Variants in LRP1B observed in about 807,000 individuals in gnomAD.
LRP1B encodes the protein LDL receptor related protein 1B.
LRP1B carries 217 observed loss-of-function variants against 556.6 expected under a neutral mutation model. The observed-to-expected ratio is 0.39, with a 90% CI of 0.35 to 0.44. The LOEUF (loss-of-function observed/expected upper bound fraction) is 0.44, where lower values mean the gene tolerates loss of function less well. Ranked by LOEUF, LRP1B falls within the 20% of genes least tolerant of loss-of-function variation. LRP1B has a pLI of 1.00. For missense variants in LRP1B, 5,053 were observed against 5,620.8 expected (o/e 0.90, Z 3.23); for synonymous variants, 2,047 against 1,865.8 (o/e 1.10, Z -2.50).
At chr2:140,388,710 A>G (rs1338247843) in intron 66 of LRP1B, among the ~76,000 whole-genome samples, 3 of 152,228 alleles carry the variant, frequency 2.0e-5, no homozygotes, top group Non-Finnish European at 4.4e-5. Context: ...ACCTCCCTTG[A>G]GGTGCACACA....
At chr2:140,572,232 A>G (rs1274439248) in intron 43 of LRP1B, among the ~76,000 whole-genome samples, 1 of 151,826 alleles carries the variant, frequency 6.6e-6, no homozygotes, top group Non-Finnish European at 1.5e-5. Context: ...AAATATTTGT[A>G]AACTATTTAT....
At chr2:140,517,308 A>G (rs1689948164) in intron 49 of LRP1B, among the ~76,000 whole-genome samples, 1 of 152,304 alleles carries the variant, frequency 6.6e-6, no homozygotes, top group South Asian at 2.1e-4. Flanking sequence ...CTTAGTTAAT[A>G]AACATAAAAT....
At chr2:140,490,804 CTCAA>C (rs1183455868) in intron 57 of LRP1B, among the ~76,000 whole-genome samples, 1 of 152,066 alleles carries the variant, frequency 6.6e-6, no homozygotes. Flanking sequence ...TATTTCCTTA[CTCAA>C]TGGGCACCAT....
At chr2:141,754,103 C>A (rs1440884361) in intron 2 of LRP1B, among the ~76,000 whole-genome samples, 4 of 152,158 alleles carry the variant, frequency 2.6e-5, no homozygotes, top group Non-Finnish European at 4.4e-5. Context: ...CAGAATTCTT[C>A]TGCTTCTCAT....
chr2:141,696,685 C>A (rs1343616555), intron 2 of LRP1B, among the ~76,000 whole-genome samples: 1 of 151,866 alleles, frequency 6.6e-6, no homozygotes, highest in Non-Finnish European at 1.5e-5. Flanking sequence ...CACATAATTT[C>A]TCAGCAGACA....
At chr2:140,631,474 T>C (rs1161403328) in intron 41 of LRP1B, among the ~76,000 whole-genome samples, 1 of 151,930 alleles carries the variant, frequency 6.6e-6, no homozygotes, top group African/African-American at 2.4e-5. Context: ...ACTATACGAG[T>C]TAAAAGTAAG....
At chr2:141,994,685 C>T (rs576126608) in intron 1 of LRP1B, among the ~76,000 whole-genome samples, 5 of 152,236 alleles carry the variant, frequency 3.3e-5, no homozygotes, top group African/African-American at 9.6e-5. Context: ...AACCTTGGCA[C>T]TTGTCTCTGT....
intron 66 of LRP1B, among the ~76,000 whole-genome samples, chr2:140,390,192 TGAAAAA>T (rs1172940607): frequency 6.6e-6 from 1 of 151,952 alleles, no homozygotes; most frequent in African/African-American, 2.4e-5. Context: ...AAACATTTCT[TGAAAAA>T]GAAAAATTAA....
intron 14 of LRP1B, among the ~76,000 whole-genome samples, chr2:141,007,129 C>A (rs975664737): frequency 3.3e-5 from 5 of 151,594 alleles, no homozygotes; most frequent in African/African-American, 1.2e-4. Context: ...TAGAGCCATA[C>A]GATAAGAGAA....
At chr2:140,321,280 T>A (rs1356848315) in intron 82 of LRP1B, among the ~76,000 whole-genome samples, 1 of 152,030 alleles carries the variant, frequency 6.6e-6, no homozygotes, top group Non-Finnish European at 1.5e-5. Flanking sequence ...TCTGAAGTAA[T>A]GTTTCAATTT....
At chr2:140,553,287 T>C (rs956125367) in intron 43 of LRP1B, among the ~76,000 whole-genome samples, 2 of 152,004 alleles carry the variant, frequency 1.3e-5, no homozygotes, top group Admixed American at 1.3e-4. Flanking sequence ...TAGATTATTA[T>C]ATTTAACTTA....
At chr2:141,929,677 T>G (rs770394530) in intron 1 of LRP1B, among the ~76,000 whole-genome samples, 1 of 151,992 alleles carries the variant, frequency 6.6e-6, no homozygotes, top group Non-Finnish European at 1.5e-5. Flanking sequence ...AACTAAAAAT[T>G]CCTAAATCTC....
chr2:140,812,314 A>G (rs545068249), intron 32 of LRP1B, among the ~76,000 whole-genome samples: 1 of 152,264 alleles, frequency 6.6e-6, no homozygotes, highest in South Asian at 2.1e-4. Flanking sequence ...TTTAATGTCT[A>G]TATTTCCCTA....
intron 1 of LRP1B, among the ~76,000 whole-genome samples, chr2:141,823,861 A>C (rs1403279943): frequency 2.6e-5 from 4 of 152,100 alleles, no homozygotes; most frequent in Non-Finnish European, 5.9e-5. Flanking sequence ...TTAAGTAGAG[A>C]TGGGATCTCC....
At chr2:141,384,077 A>T (rs1689741450) in intron 3 of LRP1B, among the ~76,000 whole-genome samples, 1 of 152,212 alleles carries the variant, frequency 6.6e-6, no homozygotes, top group Non-Finnish European at 1.5e-5. Flanking sequence ...TCCTTTTACG[A>T]TGTCATCATA....
chr2:140,634,228 T>G (rs1476447091), intron 41 of LRP1B, among the ~76,000 whole-genome samples: 1 of 152,104 alleles, frequency 6.6e-6, no homozygotes, highest in African/African-American at 2.4e-5. Context: ...GAGAAAACAT[T>G]TGATAAAATC....
At chr2:140,852,161 A>G (rs1052208955) in intron 27 of LRP1B, among the ~76,000 whole-genome samples, 18 of 152,100 alleles carry the variant, frequency 1.2e-4, no homozygotes, top group African/African-American at 4.3e-4. Flanking sequence ...CCCCATCTCT[A>G]CTAAAAATAC....
intron 31 of LRP1B, among the ~76,000 whole-genome samples, chr2:140,836,499 G>A (rs945580676): frequency 2.6e-5 from 4 of 151,976 alleles, no homozygotes; most frequent in African/African-American, 9.7e-5. Flanking sequence ...TTTTCTTCTT[G>A]TACTTAGACT....
At chr2:140,721,843 G>A (rs1369256081) in intron 35 of LRP1B, among the ~76,000 whole-genome samples, 1 of 151,342 alleles carries the variant, frequency 6.6e-6, no homozygotes. Context: ...TTCCCTCTGA[G>A]GCAAATTGTT....
Sources: gnomAD v4.1 joint callset for allele counts (sites outside exome capture counted in the v4.1 genomes callset) on GRCh38, gnomAD v4.1.1 for gene constraint, MANE v1.5 for transcripts, NCBI Gene and HGNC (gene_info 2026-07-23, HGNC 2026-07-21) for gene names.